The following NWD2 variants were observed in gnomAD, a reference collection of about 807,000 sequenced individuals.
NWD2 encodes the protein NACHT and WD repeat domain containing 2, also known as NACHT and WD repeat domain-containing protein 2.
NWD2 carries 37 observed loss-of-function variants against 132.7 expected under a neutral mutation model. The observed-to-expected ratio is 0.28, with a 90% CI of 0.21 to 0.37. NWD2 has a LOEUF of 0.37. NWD2 is among the 10% of genes least tolerant of loss of function. The pLI is 1.00. For missense variants in NWD2, 1,592 were observed against 2,122.4 expected (o/e 0.75, Z 4.91); for synonymous variants, 705 against 803.0 (o/e 0.88, Z 2.06).
intron 5 of NWD2, among the ~76,000 whole-genome samples, chr4:37,437,166 T>C (rs1268378596): frequency 6.6e-6 from 1 of 152,126 alleles, no homozygotes; most frequent in African/African-American, 2.4e-5. Context: ...ATGACCAGCA[T>C]GTAATTTTTT....
chr4:37,368,103 T>C (rs1170410764), intron 3 of NWD2, among the ~76,000 whole-genome samples: 1 of 152,194 alleles, frequency 6.6e-6, no homozygotes, highest in Non-Finnish European at 1.5e-5. Context: ...TAGTGTGTGA[T>C]ATACTTCTCT....
Position 37,434,033 on chromosome 4 carries a change from T to C in NWD2, c.706+13T>C. On this transcript the variant is annotated intron_variant, in intron 5 of 6. Transcript: ENST00000309447. ...TACCTGTTCTCAGGTAATTTTCCCATACCTTCAGTAAAATAAGAAATATAT... is the reference window on the plus strand; with the variant it reads ...TACCTGTTCTCAGGTAATTTTCCCACACCTTCAGTAAAATAAGAAATATAT... 1 of 1,525,516 alleles carries C rather than the reference T, an allele frequency of 6.6e-7. No homozygotes were observed. The highest frequency in any genetic ancestry group is 8.8e-7 in the Non-Finnish European group (1 of 1,131,328). The allele number at this position is 1,525,516 out of a possible 1,614,324, so 94.5% of individuals were successfully genotyped here. A position where few individuals can be genotyped will look rare whatever the true frequency, so the allele number is the denominator to read the frequency against.
intron 3 of NWD2, among the ~76,000 whole-genome samples, chr4:37,381,457 A>T (rs943718414): frequency 1.3e-5 from 2 of 152,104 alleles, no homozygotes; most frequent in Non-Finnish European, 2.9e-5. Context: ...ATCCCTCTGT[A>T]TGGCTGCCAC....
chr4:37,397,595 CA>C (rs1720823463), intron 3 of NWD2, among the ~76,000 whole-genome samples: 1 of 152,194 alleles, frequency 6.6e-6, no homozygotes, highest in South Asian at 2.1e-4. Context: ...TGCCAGCCCC[CA>C]TAAAGTAGCT....
At chr4:37,248,630 C>T (rs953431184) in intron 1 of NWD2, among the ~76,000 whole-genome samples, 1 of 152,222 alleles carries the variant, frequency 6.6e-6, no homozygotes, top group Non-Finnish European at 1.5e-5. Flanking sequence ...GATTTTAAAA[C>T]CCACATAAAA....
Position 37,444,607 on chromosome 4 carries a change from G to A in NWD2, c.2619G>A (p.Val873=), listed in dbSNP as rs1712580744. 1 of 1,552,066 alleles carries A rather than the reference G, an allele frequency of 6.4e-7. No homozygotes were observed. The highest frequency in any genetic ancestry group is 8.7e-7 in the Non-Finnish European group (1 of 1,147,090). Reference sequence around the variant, plus strand: ...TCAAAATTGGCCAGTTTGACAAAGTGCTTTCAGACATTGAGCTGGCTTACA... The same window carrying A: ...TCAAAATTGGCCAGTTTGACAAAGTACTTTCAGACATTGAGCTGGCTTACA... ...TMIKIGQFDK[V]LSDIELAYNY... The change falls in exon 7 of 7, where the codon GTG becomes GTA. Residue 873 remains valine, a synonymous_variant. Transcript: ENST00000309447. This position sits in a 1 kb window ranked among gnomAD's most constrained non-coding sequence, Gnocchi z 4.8.
intron 3 of NWD2, among the ~76,000 whole-genome samples, chr4:37,368,856 T>C (rs1309677479): frequency 6.6e-6 from 1 of 152,198 alleles, no homozygotes; most frequent in Non-Finnish European, 1.5e-5. Context: ...GAGGACATCC[T>C]GTTGAGATTT....
rs756727856 is a variant in NWD2 at position 37,444,055 on chromosome 4, T to G, written c.2067T>G (p.Ser689Arg). 3 of 1,551,678 alleles carry G rather than the reference T, an allele frequency of 1.9e-6. No homozygotes were observed. The South Asian group carries it at 3.6e-5, about 18-fold the overall frequency. The change falls in exon 7 of 7, where the codon AGT becomes AGG. Residue 689 changes from serine (S) to arginine (R), a missense_variant. Ser to Arg is a moderately radical substitution (Grantham distance 110). Coordinates refer to ENST00000309447, the MANE Select transcript of NWD2 (RefSeq NM_001144990.2). This position sits in a 1 kb window ranked among gnomAD's most constrained non-coding sequence, Gnocchi z 4.8. ...TAGCCCTAGACAACAGTGTAATGAG[T>G]GAGCTCAAAGAAAACACCAGACCCA... ...DVLALDNSVM[S>R]ELKENTRPSN...
At chr4:37,416,092 C>T (rs13105305) in intron 3 of NWD2, among the ~76,000 whole-genome samples, 19,485 of 152,262 alleles carry the variant, frequency 0.13, 1,696 homozygotes, top group African/African-American at 0.24. Flanking sequence ...AAAGAAACCT[C>T]AGACACACTG....
At position 37,446,665 on chromosome 4, in the gene NWD2, G is replaced by T. The variant is rs913413107; in HGVS notation, c.4677G>T (p.Arg1559=). The change falls in exon 7 of 7, where the codon CGG becomes CGT. Residue 1559 remains arginine (R), a synonymous_variant. Transcript: ENST00000309447. This position sits in a 1 kb window ranked among gnomAD's most constrained non-coding sequence, Gnocchi z 6.7. ...TAGATTTATACAGTGGTAAATTGCGGGTGGTTCACGCCTCTGGGATCATCT... is the reference window on the plus strand; with the variant it reads ...TAGATTTATACAGTGGTAAATTGCGTGTGGTTCACGCCTCTGGGATCATCT... ...NVLDLYSGKL[R]VVHASGIIWR... 7 of 1,551,372 alleles carry T rather than the reference G, an allele frequency of 4.5e-6. No individual in the cohort carries two copies. Among genetic ancestry groups the T allele is most frequent in the Non-Finnish European group, 6.1e-6 (7 of 1,146,942 alleles).
intron 1 of NWD2, among the ~76,000 whole-genome samples, chr4:37,290,516 G>T (rs1028121673): frequency 2.0e-5 from 3 of 152,128 alleles, no homozygotes; most frequent in African/African-American, 7.2e-5. Flanking sequence ...TAGTCCTTCT[G>T]GGAAGTTATA....
intron 3 of NWD2, among the ~76,000 whole-genome samples, chr4:37,359,446 A>C (rs1719935611): frequency 6.6e-6 from 1 of 152,078 alleles, no homozygotes; most frequent in Non-Finnish European, 1.5e-5. Context: ...GACAACTGGC[A>C]TGTGTGTGTT....
In NWD2 at chr4:37,444,043, C is replaced by T. The variant is rs1341346658; in HGVS notation, c.2055C>T (p.Asn685=). 3.2e-6 allele frequency: 5 copies of T among 1,551,782 alleles called. No homozygotes were observed. The Admixed American group carries it at 9.8e-5, about 30-fold the overall frequency. The part of the protein sequence containing the change: ...MELEDVLALD[N]SVMSELKENT... ...TGGAGGATGTGTTAGCCCTAGACAACAGTGTAATGAGTGAGCTCAAAGAAA... is the reference window on the plus strand; with the variant it reads ...TGGAGGATGTGTTAGCCCTAGACAATAGTGTAATGAGTGAGCTCAAAGAAA... The change falls in exon 7 of 7, where the codon AAC becomes AAT. Residue 685 remains asparagine, a synonymous_variant. Transcript: ENST00000309447. The surrounding 1 kb of genome is among the most constrained non-coding windows in gnomAD (Gnocchi z 4.8).
At chr4:37,380,939 A>T (rs1281504031) in intron 3 of NWD2, among the ~76,000 whole-genome samples, 3 of 152,218 alleles carry the variant, frequency 2.0e-5, no homozygotes, top group African/African-American at 7.2e-5. Flanking sequence ...TCCTGCTTAA[A>T]TTCAGAACCA....
At chr4:37,363,864 C>G (rs763078486) in intron 3 of NWD2, among the ~76,000 whole-genome samples, 4 of 152,024 alleles carry the variant, frequency 2.6e-5, no homozygotes, top group Non-Finnish European at 5.9e-5. Context: ...TGGCTCAGGC[C>G]TGTAATCCCA....
chr4:37,253,714 C>G (rs1199338541), intron 1 of NWD2, among the ~76,000 whole-genome samples: 1 of 152,156 alleles, frequency 6.6e-6, no homozygotes, highest in Non-Finnish European at 1.5e-5. Context: ...GTTCTTAGCA[C>G]GGCCTTGGGA....
At chr4:37,441,436 A>G (rs779462102) in intron 6 of NWD2, among the ~76,000 whole-genome samples, 11 of 152,358 alleles carry the variant, frequency 7.2e-5, no homozygotes, top group Non-Finnish European at 1.2e-4. Flanking sequence ...GGAAAGGAGC[A>G]TACAGGCCGC....
chr4:37,400,469 T>G (rs1002048963), intron 3 of NWD2, among the ~76,000 whole-genome samples: 5 of 152,188 alleles, frequency 3.3e-5, no homozygotes, highest in African/African-American at 1.2e-4. Context: ...GAGAGTTCCC[T>G]CTCATCATCA....
At chr4:37,337,270 G>C (rs940920486) in intron 2 of NWD2, among the ~76,000 whole-genome samples, 3 of 152,162 alleles carry the variant, frequency 2.0e-5, no homozygotes, top group Non-Finnish European at 2.9e-5. Context: ...ATCTTAGTGG[G>C]TGTCATATGT....
Sources: gnomAD v4.1 joint callset for allele counts (sites outside exome capture counted in the v4.1 genomes callset) on GRCh38, gnomAD v4.1.1 for gene constraint, Gnocchi (gnomAD v3.1) non-coding constraint, MANE v1.5 for transcripts, NCBI Gene and HGNC (gene_info 2026-07-23, HGNC 2026-07-21) for gene names.